The following DCAF8 variants were observed in gnomAD, a reference collection of about 807,000 sequenced individuals.
DCAF8 encodes DDB1 and CUL4 associated factor 8, also known as DDB1- and CUL4-associated factor 8.
In DCAF8, 20 loss-of-function variants were observed where a neutral mutation model predicts 68.0. The ratio of observed to expected loss-of-function variants is 0.29; its 90% confidence interval spans 0.21 to 0.43. The LOEUF (loss-of-function observed/expected upper bound fraction) is 0.43. DCAF8 is among the 20% of genes least tolerant of loss of function. The pLI is 1.00. For missense variants in DCAF8, 460 were observed against 771.0 expected (o/e 0.60, Z 4.78); for synonymous variants, 230 against 276.9 (o/e 0.83, Z 1.68).
intron 4 of DCAF8, chr1:160,239,492 C>T (rs772232501): frequency 4.1e-6 from 6 of 1,474,904 alleles, no homozygotes; most frequent in South Asian, 1.4e-5. Flanking sequence ...ACCTATGAGG[C>T]TTCCAACAGT....
chr1:160,249,403 G>T (rs573656567), intron 2 of DCAF8, among the ~76,000 whole-genome samples: 1 of 152,136 alleles, frequency 6.6e-6, no homozygotes, highest in African/African-American at 2.4e-5. Flanking sequence ...TACTAGAAAT[G>T]CAAAACAGTA....
chr1:160,261,020 G>C (rs1263536214), intron 2 of DCAF8, among the ~76,000 whole-genome samples: 6 of 152,136 alleles, frequency 3.9e-5, no homozygotes, highest in African/African-American at 1.4e-4. Context: ...AAGAAGAAAA[G>C]AAGACATGGG....
rs1490307531 is a variant in DCAF8 at position 160,246,993 on chromosome 1, C to G, written c.-26-2959G>C. Reference sequence around the variant, plus strand: ...AAAAAATAAAAAATCTTTTCCATTACCAAAGAATACAGTCTTAACTTTATA... The same window carrying G: ...AAAAAATAAAAAATCTTTTCCATTAGCAAAGAATACAGTCTTAACTTTATA... On this transcript the variant is annotated intron_variant, in intron 2 of 13. Coordinates refer to ENST00000368074, the MANE Select transcript of DCAF8 (RefSeq NM_015726.4). 2.0e-5 allele frequency among the ~76,000 whole-genome samples: 3 copies of G among 152,138 alleles called. No homozygotes were observed. The East Asian group carries it at 5.8e-4, about 29-fold the overall frequency.
chr1:160,234,536 T>C (rs1571091012), intron 6 of DCAF8, among the ~76,000 whole-genome samples: 1 of 152,240 alleles, frequency 6.6e-6, no homozygotes, highest in South Asian at 2.1e-4. Context: ...GCTCTATTCA[T>C]TACTTGCACC....
In DCAF8 at chr1:160,217,436, C is replaced by T. The variant is rs1465548036; in HGVS notation, c.*156G>A. ...TTCCTAGGTACTCTTTGTTGGTTCA[C>T]TCCTCTGGTTTGTCCTTCTCCTGGG... On this transcript the variant is annotated 3_prime_UTR_variant, in exon 14 of 14. Coordinates refer to ENST00000368074, the MANE Select transcript of DCAF8 (RefSeq NM_015726.4). 2.6e-5 allele frequency: 15 copies of T among 566,332 alleles called. No homozygotes were observed. In the South Asian group the frequency reaches 3.8e-4, roughly 14 times the overall value. 35.1% of individuals were successfully genotyped at this position (566,332 alleles called of 1,614,324 possible).
At chr1:160,262,092 T>G in intron 1 of DCAF8, 1 of 369,364 alleles carries the variant, frequency 2.7e-6, no homozygotes, top group East Asian at 3.9e-5. Context: ...TGCGGCTGGC[T>G]CTTGGGGGCA....
At chr1:160,257,181 C>T (rs10494338) in intron 2 of DCAF8, among the ~76,000 whole-genome samples, 3,817 of 152,184 alleles carry the variant, frequency 0.025, 49 homozygotes, top group Middle Eastern at 0.037. Flanking sequence ...TACCCCATGC[C>T]TATTGCTGAT....
intron 1 of DCAF8, chr1:160,261,718 CAG>C (rs1657098952): frequency 6.6e-6 from 1 of 152,276 alleles, no homozygotes; most frequent in Non-Finnish European, 1.5e-5. Context: ...GGTTTGTTTA[CAG>C]AGACTCCAGT....
In DCAF8 at chr1:160,216,344, A is replaced by C. The variant is rs1250437807; in HGVS notation, c.*1248T>G. 1 of 152,148 alleles carries C rather than the reference A, an allele frequency of 6.6e-6. No individual in the cohort carries two copies. Among genetic ancestry groups the C allele is most frequent in the Non-Finnish European group, 1.5e-5 (1 of 68,048 alleles). 9.4% of individuals were successfully genotyped at this position (152,148 alleles called of 1,614,324 possible). A position where few individuals can be genotyped will look rare whatever the true frequency, so the allele number is the denominator to read the frequency against. ...TGTGTGTGTACATGTCTTCTGTCAC[A>C]AAGTACCACAATAGTCTGCAGTGGT... On this transcript the variant is annotated 3_prime_UTR_variant, in exon 14 of 14. Coordinates refer to ENST00000368074, the MANE Select transcript of DCAF8 (RefSeq NM_015726.4).
chr1:160,227,855 T>C (rs930919771), intron 7 of DCAF8, among the ~76,000 whole-genome samples: 4 of 150,822 alleles, frequency 2.7e-5, no homozygotes, highest in African/African-American at 7.2e-5. Context: ...TTCCTACCAC[T>C]TTCTGAACAT....
chr1:160,261,022 A>G (rs1202893087), intron 2 of DCAF8, among the ~76,000 whole-genome samples: 2 of 152,360 alleles, frequency 1.3e-5, no homozygotes, highest in South Asian at 4.1e-4. Context: ...GAAGAAAAGA[A>G]GACATGGGGC....
chr1:160,248,071 C>T (rs910180246), intron 2 of DCAF8, among the ~76,000 whole-genome samples: 15 of 151,960 alleles, frequency 9.9e-5, no homozygotes, highest in Admixed American at 3.3e-4. Context: ...TTTGGGAGGC[C>T]AAGGCGGGTG....
intron 11 of DCAF8, chr1:160,219,577 C>T (rs1655232111): frequency 1.3e-5 from 2 of 152,452 alleles, no homozygotes; most frequent in Non-Finnish European, 2.9e-5. Context: ...GAACATCCTA[C>T]TACTTGCCCT....
intron 2 of DCAF8, among the ~76,000 whole-genome samples, chr1:160,260,882 G>C (rs868824701): frequency 6.6e-6 from 1 of 152,084 alleles, no homozygotes; most frequent in Non-Finnish European, 1.5e-5. Flanking sequence ...ATGACAACCC[G>C]AAGCTGTGAG....
At chr1:160,244,578 G>A (rs1656244639) in intron 2 of DCAF8, among the ~76,000 whole-genome samples, 1 of 151,562 alleles carries the variant, frequency 6.6e-6, no homozygotes, top group African/African-American at 2.4e-5. Flanking sequence ...TGAGCTTTCT[G>A]TTCACTCAGA....
chr1:160,229,047 C>T lies in DCAF8; in HGVS notation c.1070+2250G>A, dbSNP rs554810425. ...AGGCGCGGTGGCTCACGACTGTAATCCCAGCACTTTGAGAGGCCGAGGTGG... is the reference window on the plus strand; with the variant it reads ...AGGCGCGGTGGCTCACGACTGTAATTCCAGCACTTTGAGAGGCCGAGGTGG... On this transcript the variant is annotated intron_variant, in intron 7 of 13. Transcript: ENST00000368074. Among the ~76,000 whole-genome samples the T allele has an allele frequency of 2.9e-4, 44 of 152,136 alleles. 1 individual carries two copies. The highest frequency in any genetic ancestry group is 2.1e-3 in the South Asian group (10 of 4,810).
chr1:160,224,615 G>GT, intron 9 of DCAF8, 66 bp from the exon 10 acceptor site: 1 of 1,286,614 alleles, frequency 7.8e-7, no homozygotes, highest in South Asian at 1.2e-5. Flanking sequence ...GGAGGTGGGG[G>GT]TTGGGGTGGG....
chr1:160,258,224 G>A (rs1656916454), intron 2 of DCAF8, among the ~76,000 whole-genome samples: 1 of 152,112 alleles, frequency 6.6e-6, no homozygotes, highest in Non-Finnish European at 1.5e-5. Flanking sequence ...GCGTGCACCT[G>A]TAGTCCCAGC....
At chr1:160,229,364 A>G (rs768781557) in intron 7 of DCAF8, among the ~76,000 whole-genome samples, 35 of 152,216 alleles carry the variant, frequency 2.3e-4, no homozygotes, top group Non-Finnish European at 4.0e-4. Context: ...ATTGAGGCTG[A>G]TAAGACACAG....
Sources: allele counts gnomAD v4.1 joint callset (sites outside exome capture counted in the v4.1 genomes callset), GRCh38; gene constraint gnomAD v4.1.1; transcripts MANE v1.5; gene names NCBI Gene and HGNC (gene_info 2026-07-23, HGNC 2026-07-21).